The following LRRTM4 variants were observed in gnomAD, a reference collection of about 807,000 sequenced individuals.
LRRTM4 encodes the protein leucine rich repeat transmembrane neuronal 4.
A neutral mutation model predicts 47.6 loss-of-function variants in LRRTM4; 25 were observed. The ratio of observed to expected loss-of-function variants is 0.53; its 90% confidence interval spans 0.38 to 0.73. The LOEUF is 0.73. LRRTM4 is among the 30% of genes least tolerant of loss of function. LRRTM4 has a pLI of 0.00. For missense variants in LRRTM4, 638 were observed against 713.4 expected (o/e 0.89, Z 1.20); for synonymous variants, 311 against 269.5 (o/e 1.15, Z -1.51).
chr2:76,913,666 A>G (rs1036872832), intron 3 of LRRTM4, among the ~76,000 whole-genome samples: 2 of 150,802 alleles, frequency 1.3e-5, no homozygotes, highest in African/African-American at 4.9e-5. Context: ...CAGCCTCCCG[A>G]GTAGCTGGGA....
chr2:77,440,628 C>G (rs1364578626), intron 3 of LRRTM4, among the ~76,000 whole-genome samples: 1 of 152,092 alleles, frequency 6.6e-6, no homozygotes, highest in African/African-American at 2.4e-5. Flanking sequence ...AAATCAGCAC[C>G]GATTCTGTTG....
intron 3 of LRRTM4, among the ~76,000 whole-genome samples, chr2:77,435,748 G>C (rs1675567733): frequency 6.6e-6 from 1 of 152,126 alleles, no homozygotes; most frequent in South Asian, 2.1e-4. Context: ...TAGTGGCAAG[G>C]CTGAGAACCT....
At chr2:77,081,138 T>C (rs1296250441) in intron 3 of LRRTM4, among the ~76,000 whole-genome samples, 2 of 152,228 alleles carry the variant, frequency 1.3e-5, no homozygotes, top group African/African-American at 4.8e-5. Flanking sequence ...ATTTGCTTTT[T>C]GATCATGTAT....
At chr2:76,887,558 CAT>C (rs368121458) in intron 3 of LRRTM4, among the ~76,000 whole-genome samples, 5 of 144,676 alleles carry the variant, frequency 3.5e-5, no homozygotes, top group African/African-American at 7.6e-5. Flanking sequence ...CTCATTTTGA[CAT>C]ATGTGCAAAT....
chr2:77,026,179 AT>A (rs1419128115), intron 3 of LRRTM4, among the ~76,000 whole-genome samples: 2 of 152,300 alleles, frequency 1.3e-5, no homozygotes, highest in Non-Finnish European at 2.9e-5. Context: ...CAAGAAAAAA[AT>A]ATTTTGATTT....
chr2:76,808,812 T>G (rs535761533), intron 3 of LRRTM4, among the ~76,000 whole-genome samples: 3 of 131,820 alleles, frequency 2.3e-5, no homozygotes, highest in Non-Finnish European at 4.8e-5. Flanking sequence ...TGCTGAGCAT[T>G]TTCTGCTGAA....
intron 3 of LRRTM4, among the ~76,000 whole-genome samples, chr2:76,925,523 G>T (rs898619613): frequency 6.6e-6 from 1 of 152,132 alleles, no homozygotes; most frequent in Non-Finnish European, 1.5e-5. Flanking sequence ...GCTTATGGTT[G>T]TTTGTTAAGC....
intron 3 of LRRTM4, among the ~76,000 whole-genome samples, chr2:77,463,127 A>C (rs2103976088): frequency 6.6e-6 from 1 of 152,176 alleles, no homozygotes; most frequent in African/African-American, 2.4e-5. Flanking sequence ...AGATAATATA[A>C]CCTACTACAC....
chr2:76,991,919 T>C (rs901230930), intron 3 of LRRTM4, among the ~76,000 whole-genome samples: 3 of 151,694 alleles, frequency 2.0e-5, no homozygotes, highest in African/African-American at 7.3e-5. Context: ...CAACAGAACA[T>C]CAAAAAGTTA....
chr2:77,147,046 C>T (rs1672278616), intron 3 of LRRTM4, among the ~76,000 whole-genome samples: 1 of 151,968 alleles, frequency 6.6e-6, no homozygotes, highest in African/African-American at 2.4e-5. Context: ...ACATCTTTCC[C>T]AGAGACAATT....
chr2:77,430,638 T>C (rs2103904263), intron 3 of LRRTM4, among the ~76,000 whole-genome samples: 1 of 148,244 alleles, frequency 6.7e-6, no homozygotes, highest in Middle Eastern at 3.5e-3. Context: ...GGAGAATCAC[T>C]TGAACCCAGG....
rs556743781 is a variant in LRRTM4, at chr2:77,025,269, G to A, written c.1552-276353C>T. Among the ~76,000 whole-genome samples, 14 of 152,206 alleles carry A rather than the reference G, an allele frequency of 9.2e-5. 1 individual carries two copies. In the East Asian group the frequency reaches 1.9e-3, roughly 21 times the overall value. On this transcript the variant is annotated intron_variant, in intron 3 of 3. Coordinates refer to ENST00000409884, the MANE Select transcript of LRRTM4 (RefSeq NM_001134745.3). ...CTTTCAAATAATCTCTTTGAAAAAG[G>A]TTGATTTACGACTACAAAATCTAGA...
At chr2:76,796,924 A>AAAAAG (rs1439250800) in intron 3 of LRRTM4, among the ~76,000 whole-genome samples, 1 of 152,094 alleles carries the variant, frequency 6.6e-6, no homozygotes, top group African/African-American at 2.4e-5. Context: ...AAAAAAGAAT[A>AAAAAG]AAAAGAAATG....
intron 3 of LRRTM4, among the ~76,000 whole-genome samples, chr2:77,459,581 C>T (rs1676697217): frequency 6.6e-6 from 1 of 151,506 alleles, no homozygotes; most frequent in African/African-American, 2.4e-5. Flanking sequence ...CCTTACACTA[C>T]ATCATATAAT....
chr2:77,312,467 T>G (rs553662833), intron 3 of LRRTM4, among the ~76,000 whole-genome samples: 28 of 152,316 alleles, frequency 1.8e-4, no homozygotes, highest in Admixed American at 3.9e-4. Flanking sequence ...ACTTTGAACT[T>G]CAACTTAAAA....
At chr2:76,809,988 T>G (rs1670685385) in intron 3 of LRRTM4, among the ~76,000 whole-genome samples, 1 of 152,222 alleles carries the variant, frequency 6.6e-6, no homozygotes, top group Admixed American at 6.5e-5. Flanking sequence ...CAGCTGTGAC[T>G]TGTTCTCCAT....
Position 77,295,211 on chromosome 2 carries a change from C to T in LRRTM4, c.1551+223107G>A, listed in dbSNP as rs573549107. On this transcript the variant is annotated intron_variant, in intron 3 of 3. Transcript: ENST00000409884. ...AGCAAACATAATTTCTTTTATTTTA[C>T]TTATTACTTTAAGAACACACCTACA... 1.1e-4 allele frequency among the ~76,000 whole-genome samples: 16 copies of T among 152,110 alleles called. No homozygotes were observed. In the South Asian group the frequency reaches 3.3e-3, roughly 32 times the overall value.
chr2:76,917,180 A>G (rs944154835), intron 3 of LRRTM4, among the ~76,000 whole-genome samples: 12 of 152,202 alleles, frequency 7.9e-5, no homozygotes, highest in Non-Finnish European at 1.6e-4. Context: ...AAGTGGTCAT[A>G]AATGATATGC....
chr2:76,800,258 T>C (rs1675590945), intron 3 of LRRTM4, among the ~76,000 whole-genome samples: 1 of 148,598 alleles, frequency 6.7e-6, no homozygotes, highest in Non-Finnish European at 1.5e-5. Flanking sequence ...AACAGAGATA[T>C]AGATCAATGG....
Sources: allele counts gnomAD v4.1 joint callset (sites outside exome capture counted in the v4.1 genomes callset), GRCh38; gene constraint gnomAD v4.1.1; transcripts MANE v1.5; gene names NCBI Gene and HGNC (gene_info 2026-07-23, HGNC 2026-07-21).